Variants in NFIA observed in about 807,000 individuals in gnomAD.
NFIA encodes nuclear factor I A.
In NFIA, 8 loss-of-function variants were observed where a neutral mutation model predicts 62.8. The observed-to-expected ratio is 0.13, with a 90% CI of 0.07 to 0.23. NFIA has a LOEUF of 0.23. Among genes scored for constraint, NFIA ranks in the 10% least tolerant of loss-of-function variants. NFIA has a pLI of 1.00. For synonymous variants in NFIA, 235 were observed against 238.1 expected (o/e 0.99, Z 0.12); for missense variants, 410 against 642.1 (o/e 0.64, Z 3.91).
intron 3 of NFIA, among the ~76,000 whole-genome samples, chr1:61,296,800 A>G (rs1659213652): frequency 6.6e-6 from 1 of 152,170 alleles, no homozygotes; most frequent in Non-Finnish European, 1.5e-5. Context: ...CCTCTCATAT[A>G]TATTGGGAGG....
intron 2 of NFIA, among the ~76,000 whole-genome samples, chr1:61,242,263 CAG>C (rs1478659274): frequency 6.6e-6 from 1 of 152,042 alleles, no homozygotes; most frequent in Non-Finnish European, 1.5e-5. Context: ...ACACAGGAGA[CAG>C]TGTGTGTGCT....
intron 2 of NFIA, among the ~76,000 whole-genome samples, chr1:61,231,843 G>A (rs1654689901): frequency 6.7e-6 from 1 of 149,444 alleles, no homozygotes; most frequent in African/African-American, 2.5e-5. Context: ...ATGCCTCAGT[G>A]TAAAAAACAA....
intron 2 of NFIA, among the ~76,000 whole-genome samples, chr1:61,248,428 C>T (rs1655792213): frequency 6.6e-6 from 1 of 152,082 alleles, no homozygotes; most frequent in African/African-American, 2.4e-5. Context: ...CTTTCTGGAA[C>T]CCCCAAACTT....
intron 3 of NFIA, among the ~76,000 whole-genome samples, chr1:61,282,817 C>A (rs747634166): frequency 3.9e-5 from 6 of 152,176 alleles, no homozygotes; most frequent in Non-Finnish European, 7.4e-5. Flanking sequence ...CTAGTAATAA[C>A]TTTATCATAG....
At chr1:61,152,157 C>G (rs141413905) in intron 2 of NFIA, among the ~76,000 whole-genome samples, 39 of 152,290 alleles carry the variant, frequency 2.6e-4, no homozygotes, top group African/African-American at 9.1e-4. Flanking sequence ...GTTGTTTATT[C>G]TCTCCTCCTA....
intron 9 of NFIA, among the ~76,000 whole-genome samples, chr1:61,413,306 G>A (rs527703683): frequency 3.4e-4 from 52 of 151,942 alleles, no homozygotes; most frequent in Middle Eastern, 3.2e-3. Context: ...AAAATTTCTC[G>A]TATAATAATT....
chr1:61,295,496 C>T (rs376520067), intron 3 of NFIA, among the ~76,000 whole-genome samples: 5 of 152,202 alleles, frequency 3.3e-5, no homozygotes, highest in East Asian at 1.9e-4. Flanking sequence ...ATAATTCTTT[C>T]GGGCAGAACT....
Position 61,459,474 on chromosome 1 carries a change from T to G in NFIA, c.*4154T>G, listed in dbSNP as rs930086207. ...CTTCTCTTTCCTCTGAGGTTTGAAC[T>G]GATGTTCTGTGTCTTCACACCCTGG... is the stretch of plus-strand genomic sequence containing the variant. On this transcript the variant is annotated 3_prime_UTR_variant, in exon 11 of 11. Coordinates refer to ENST00000403491, the MANE Select transcript of NFIA (RefSeq NM_001134673.4). The G allele has an allele frequency of 6.6e-6, 1 of 152,374 alleles. No homozygotes were observed. Among genetic ancestry groups the G allele is most frequent in the South Asian group, 2.1e-4 (1 of 4,836 alleles). The allele number at this position is 152,374 out of a possible 1,614,324, so 9.4% of individuals were successfully genotyped here.
At chr1:61,357,944 C>G (rs1223434280) in intron 5 of NFIA, among the ~76,000 whole-genome samples, 1 of 152,196 alleles carries the variant, frequency 6.6e-6, no homozygotes, top group Non-Finnish European at 1.5e-5. Flanking sequence ...ACAACTACAG[C>G]AAGCATAGCA....
At chr1:61,204,536 T>C (rs940919221) in intron 2 of NFIA, among the ~76,000 whole-genome samples, 2 of 152,186 alleles carry the variant, frequency 1.3e-5, no homozygotes, top group Non-Finnish European at 2.9e-5. Context: ...CAATCCTGGA[T>C]GGTTACGTAA....
intron 2 of NFIA, among the ~76,000 whole-genome samples, chr1:61,276,467 C>G (rs1488054507): frequency 6.6e-6 from 1 of 152,130 alleles, no homozygotes; most frequent in South Asian, 2.1e-4. Context: ...AATTCAAAAC[C>G]TGTGAAGTCA....
intron 6 of NFIA, among the ~76,000 whole-genome samples, chr1:61,362,332 T>C (rs200854926): frequency 6.6e-6 from 1 of 152,206 alleles, no homozygotes; most frequent in East Asian, 1.9e-4. Flanking sequence ...CAGCAGCCTC[T>C]TGGTTGCCTA....
chr1:61,232,200 T>C (rs1654716915), intron 2 of NFIA, among the ~76,000 whole-genome samples: 4 of 152,162 alleles, frequency 2.6e-5, no homozygotes, highest in Admixed American at 2.0e-4. Flanking sequence ...GAAGTAAATA[T>C]TGAGTAGGTT....
rs544484737 is a variant in NFIA, at chr1:61,316,372, T to C, written c.626-16140T>C. On this transcript the variant is annotated intron_variant, in intron 3 of 10. Transcript: ENST00000403491. ...GCTCAACAGTGGCAAGATCACATAG[T>C]ACTAAATACCTGCTGAGGTCTTAAG... Among the ~76,000 whole-genome samples the C allele has an allele frequency of 1.7e-4, 26 of 152,292 alleles. 1 individual carries two copies. Among genetic ancestry groups the C allele is most frequent in the Non-Finnish European group, 3.2e-4 (22 of 68,020 alleles).
At chr1:61,082,374 C>A (rs1360140458), upstream of NFIA, 4 of 578,402 alleles carry the variant, frequency 6.9e-6, no homozygotes, top group South Asian at 7.2e-5. Context: ...CACACCCCCT[C>A]CCCCCCGCGG....
intron 4 of NFIA, among the ~76,000 whole-genome samples, chr1:61,351,562 G>A (rs1162166856): frequency 6.6e-6 from 1 of 152,024 alleles, no homozygotes; most frequent in Non-Finnish European, 1.5e-5. Context: ...CTAATTTTAC[G>A]GAGTTGTTTT....
At chr1:61,308,926 G>A (rs1290836104) in intron 3 of NFIA, among the ~76,000 whole-genome samples, 4 of 152,136 alleles carry the variant, frequency 2.6e-5, no homozygotes, top group Non-Finnish European at 5.9e-5. Flanking sequence ...CAGTGCTGAT[G>A]TAAAGCTCCC....
intron 2 of NFIA, among the ~76,000 whole-genome samples, chr1:61,179,441 G>C (rs889772321): frequency 7.2e-5 from 11 of 152,202 alleles, no homozygotes; most frequent in Admixed American, 5.9e-4. Context: ...AGTTTTCTCA[G>C]CTATAAAGTG....
chr1:61,234,145 A>C (rs1282587017), intron 2 of NFIA, among the ~76,000 whole-genome samples: 1 of 151,956 alleles, frequency 6.6e-6, no homozygotes, highest in Non-Finnish European at 1.5e-5. Context: ...AGGCGGGCGG[A>C]TCACCTGAGG....
Sources: gnomAD v4.1 joint callset for allele counts (sites outside exome capture counted in the v4.1 genomes callset) on GRCh38, gnomAD v4.1.1 for gene constraint, MANE v1.5 for transcripts, NCBI Gene and HGNC (gene_info 2026-07-23, HGNC 2026-07-21) for gene names.